TFAP2D: variants seen among roughly 807,000 people sequenced by gnomAD.
TFAP2D encodes the protein transcription factor AP-2 delta, also known as transcription factor AP-2-delta.
In TFAP2D, 9 loss-of-function variants were observed where a neutral mutation model predicts 43.6. That is an observed-to-expected ratio of 0.21 (90% CI 0.12 to 0.36). The LOEUF (loss-of-function observed/expected upper bound fraction) is 0.36, where lower values mean the gene tolerates loss of function less well. Among genes scored for constraint, TFAP2D ranks in the 10% least tolerant of loss-of-function variants. TFAP2D has a pLI of 1.00. For synonymous variants in TFAP2D, 256 were observed against 224.9 expected (o/e 1.14, Z -1.24); for missense variants, 513 against 561.4 (o/e 0.91, Z 0.87).
intron 3 of TFAP2D, among the ~76,000 whole-genome samples, chr6:50,721,885 C>A (rs1354904009): frequency 2.0e-5 from 3 of 152,148 alleles, no homozygotes; most frequent in Non-Finnish European, 4.4e-5. Flanking sequence ...TTCCAAAGAC[C>A]CCAAATGATG....
chr6:50,720,666 T>C (rs1179994892), intron 3 of TFAP2D, among the ~76,000 whole-genome samples: 1 of 152,044 alleles, frequency 6.6e-6, no homozygotes, highest in Non-Finnish European at 1.5e-5. Context: ...GAATGCACTG[T>C]GTTGGAGGAG....
intron 3 of TFAP2D, among the ~76,000 whole-genome samples, chr6:50,719,415 A>G (rs1178562634): frequency 6.6e-6 from 1 of 151,800 alleles, no homozygotes; most frequent in African/African-American, 2.4e-5. Context: ...TCAAAGTTAG[A>G]GGCAGAAGGA....
chr6:50,717,076 T>C (rs1220900057), intron 2 of TFAP2D, among the ~76,000 whole-genome samples: 1 of 152,206 alleles, frequency 6.6e-6, no homozygotes, highest in East Asian at 1.9e-4. Flanking sequence ...GGGAAAAAAA[T>C]CTGCCATTCA....
chr6:50,714,925 C>T (rs897049380), intron 1 of TFAP2D, among the ~76,000 whole-genome samples, 191 bp from the exon 2 acceptor site: 15 of 152,086 alleles, frequency 9.9e-5, no homozygotes, highest in African/African-American at 3.6e-4. Flanking sequence ...GCCGCCCACC[C>T]CCAGTTCGCC....
intron 7 of TFAP2D, among the ~76,000 whole-genome samples, chr6:50,756,720 G>C (rs781012911): frequency 6.6e-5 from 10 of 151,896 alleles, no homozygotes; most frequent in Non-Finnish European, 7.4e-5. Flanking sequence ...TTGTTGTAGA[G>C]AACACAGCAG....
chr6:50,720,851 C>A (rs1194521991), intron 3 of TFAP2D, among the ~76,000 whole-genome samples: 1 of 152,138 alleles, frequency 6.6e-6, no homozygotes. Context: ...CCACAGCCGG[C>A]CTCTTGCTAC....
intron 5 of TFAP2D, among the ~76,000 whole-genome samples, chr6:50,735,898 A>C (rs1365802947): frequency 2.0e-5 from 3 of 152,168 alleles, no homozygotes; most frequent in African/African-American, 4.8e-5. Flanking sequence ...TAGGCTTGAA[A>C]ACCGGAATCA....
intron 7 of TFAP2D, among the ~76,000 whole-genome samples, chr6:50,762,709 A>T (rs1306869576): frequency 6.6e-6 from 1 of 152,138 alleles, no homozygotes; most frequent in Non-Finnish European, 1.5e-5. Context: ...TTTCCCTAAC[A>T]TCAGGTGCCA....
intron 7 of TFAP2D, among the ~76,000 whole-genome samples, chr6:50,757,403 A>G (rs1447943261): frequency 1.5e-5 from 2 of 131,680 alleles, no homozygotes; most frequent in South Asian, 2.2e-4. Flanking sequence ...TATAGAATAT[A>G]TAATTATTCT....
At chr6:50,725,496 A>T in intron 3 of TFAP2D, among the ~76,000 whole-genome samples, 1 of 152,244 alleles carries the variant, frequency 6.6e-6, no homozygotes, top group East Asian at 1.9e-4. Context: ...GCATGAATAC[A>T]CTGGCTATAG....
chr6:50,741,196 C>T (rs568370901), intron 5 of TFAP2D, among the ~76,000 whole-genome samples: 4 of 152,178 alleles, frequency 2.6e-5, no homozygotes, highest in Admixed American at 1.3e-4. Context: ...GGGGTTACTA[C>T]GTGGCACATA....
intron 1 of TFAP2D, 101 bp downstream of exon 1, chr6:50,714,195 T>A: frequency 8.4e-7 from 1 of 1,196,532 alleles, no homozygotes; most frequent in Non-Finnish European, 1.2e-6. Context: ...CCCCTGTCTC[T>A]AATCTATATT....
intron 7 of TFAP2D, among the ~76,000 whole-genome samples, chr6:50,768,357 A>G (rs1769475590): frequency 8.8e-6 from 1 of 113,700 alleles, no homozygotes; most frequent in African/African-American, 3.5e-5. Context: ...CTTTTGAGAT[A>G]GAGACTTGCT....
chr6:50,732,439 G>T (rs1022828451), intron 5 of TFAP2D, among the ~76,000 whole-genome samples: 12 of 151,942 alleles, frequency 7.9e-5, no homozygotes, highest in Admixed American at 7.2e-4. Context: ...ACATTACTGG[G>T]GTTCAATCAT....
intron 7 of TFAP2D, among the ~76,000 whole-genome samples, chr6:50,757,729 C>CTATATATAGAATATATATAATTATTCTA (rs1431562604): frequency 1.4e-4 from 10 of 69,234 alleles, no homozygotes; most frequent in East Asian, 1.2e-3. Context: ...TATAATTATT[C>CTATATATAGAATATATATAATTATTCTA]TATATATAGA....
At position 50,723,215 on chromosome 6, in the gene TFAP2D, T is replaced by C. The variant is rs190764735; in HGVS notation, c.598+4065T>C. On this transcript the variant is annotated intron_variant, in intron 3 of 7. Coordinates refer to ENST00000008391, the MANE Select transcript of TFAP2D (RefSeq NM_172238.4). ...AAAAAAATTCCTTGAAATGGAACCT[T>C]AGCTTCAATTGCTCAGTCTGCCCAT... Among the ~76,000 whole-genome samples the C allele has an allele frequency of 4.7e-3, 709 of 152,326 alleles. 6 individuals are homozygous for C. Among genetic ancestry groups the C allele is most frequent in the Non-Finnish European group, 7.1e-3 (485 of 68,018 alleles).
intron 5 of TFAP2D, among the ~76,000 whole-genome samples, chr6:50,730,744 A>G (rs1768878594): frequency 6.6e-6 from 1 of 152,152 alleles, no homozygotes; most frequent in Non-Finnish European, 1.5e-5. Context: ...CCTAGGTCTC[A>G]TTCCCAAATC....
intron 5 of TFAP2D, among the ~76,000 whole-genome samples, chr6:50,733,551 AC>A (rs1166489480): frequency 1.1e-4 from 16 of 152,124 alleles, no homozygotes; most frequent in Admixed American, 1.0e-3. Context: ...TCTCTAGAAA[AC>A]ATTCAAGGAA....
At chr6:50,765,864 AT>A (rs1374364536) in intron 7 of TFAP2D, among the ~76,000 whole-genome samples, 33 of 151,952 alleles carry the variant, frequency 2.2e-4, no homozygotes, top group Non-Finnish European at 1.2e-4. Context: ...AGTGTTTTTC[AT>A]TTGACCTAAT....
Sources: allele counts gnomAD v4.1 joint callset (sites outside exome capture counted in the v4.1 genomes callset), GRCh38; gene constraint gnomAD v4.1.1; transcripts MANE v1.5; gene names NCBI Gene and HGNC (gene_info 2026-07-23, HGNC 2026-07-21).